CREB5: variants seen among roughly 807,000 people sequenced by gnomAD.
CREB5 encodes cAMP responsive element binding protein 5.
CREB5 carries 19 observed loss-of-function variants against 57.1 expected under a neutral mutation model. That is an observed-to-expected ratio of 0.33 (90% CI 0.23 to 0.49). The LOEUF is 0.49. CREB5 is among the 20% of genes least tolerant of loss of function. CREB5 has a pLI of 0.99. For synonymous variants in CREB5, 238 were observed against 238.3 expected (o/e 1.00, Z 0.01); for missense variants, 579 against 671.6 (o/e 0.86, Z 1.52).
chr7:28,411,894 C>G (rs2128003253), upstream of CREB5, among the ~76,000 whole-genome samples: 1 of 152,198 alleles, frequency 6.6e-6, no homozygotes, highest in East Asian at 1.9e-4. Flanking sequence ...GTGTAACCTC[C>G]ACACAATATA....
chr7:28,301,244 G>T (rs1182308477), intron 1 of CREB5, among the ~76,000 whole-genome samples: 1 of 152,164 alleles, frequency 6.6e-6, no homozygotes, highest in Non-Finnish European at 1.5e-5. Flanking sequence ...GTCTGGCAGG[G>T]ATTTTCATGC....
intron 4 of CREB5, among the ~76,000 whole-genome samples, chr7:28,532,445 G>T (rs1190177124): frequency 1.3e-5 from 2 of 152,174 alleles, no homozygotes; most frequent in East Asian, 3.8e-4. Flanking sequence ...TTGCAAAATT[G>T]TTATCCAGAG....
chr7:28,355,414 AT>A (rs35685766), intron 1 of CREB5, among the ~76,000 whole-genome samples: 20,739 of 152,152 alleles, frequency 0.14, 1,808 homozygotes, highest in South Asian at 0.19. Flanking sequence ...GAATCATGAA[AT>A]TTTTTTATTA....
At position 28,327,249 on chromosome 7, in the gene CREB5, ATC is replaced by A. The variant is rs796977481; in HGVS notation, c.-25+27812_-25+27813del. ...ACAACCAAGTGAGAAATGCTTATTT[ATC>A]TCTGGTATGTTATGCATTAGCCATA... On this transcript the variant is annotated intron_variant, in intron 1 of 9. Transcript: ENST00000396299. Among the ~76,000 whole-genome samples, 5 of 151,928 alleles carry A rather than the reference ATC, an allele frequency of 3.3e-5. No individual in the cohort carries two copies. The South Asian group carries it at 8.3e-4, about 25-fold the overall frequency.
intron 4 of CREB5, among the ~76,000 whole-genome samples, chr7:28,548,610 A>G (rs160336): frequency 0.91 from 138,628 of 152,230 alleles, 63,295 homozygotes; most frequent in African/African-American, 0.97. Flanking sequence ...TCCAAAATTC[A>G]GAGCATAGAA....
chr7:28,815,961 G>T (rs950371731), intron 9 of CREB5, among the ~76,000 whole-genome samples: 1 of 152,000 alleles, frequency 6.6e-6, no homozygotes, highest in African/African-American at 2.4e-5. Flanking sequence ...CTACTCAGGG[G>T]GCAAGGTGTC....
intron 7 of CREB5, among the ~76,000 whole-genome samples, chr7:28,737,513 G>C (rs899930389): frequency 2.1e-5 from 3 of 141,992 alleles, no homozygotes; most frequent in Admixed American, 7.2e-5. Context: ...CTCTGTGTGT[G>C]TGTGTGTATA....
At chr7:28,342,347 G>C (rs1297215411) in intron 1 of CREB5, among the ~76,000 whole-genome samples, 1 of 152,104 alleles carries the variant, frequency 6.6e-6, no homozygotes, top group Non-Finnish European at 1.5e-5. Context: ...TTTCCCATGA[G>C]CTGAGAGTGG....
chr7:28,387,422 G>T (rs1787131516), intron 1 of CREB5, among the ~76,000 whole-genome samples: 1 of 151,768 alleles, frequency 6.6e-6, no homozygotes, highest in South Asian at 2.1e-4. Flanking sequence ...TAATGGGGTT[G>T]TTTGTTTTTT....
chr7:28,687,849 A>G (rs1414592061), intron 5 of CREB5, among the ~76,000 whole-genome samples: 3 of 152,052 alleles, frequency 2.0e-5, no homozygotes, highest in Non-Finnish European at 2.9e-5. Context: ...CTGAGTGTTG[A>G]TTCTGATGCT....
At chr7:28,598,920 C>T (rs1012804196) in intron 5 of CREB5, among the ~76,000 whole-genome samples, 1 of 152,154 alleles carries the variant, frequency 6.6e-6, no homozygotes, top group African/African-American at 2.4e-5. Context: ...TTTTTCTTTG[C>T]TGTCTTAAGT....
intron 5 of CREB5, among the ~76,000 whole-genome samples, chr7:28,698,354 CAAAA>C (rs10611948): frequency 2.4e-5 from 3 of 122,728 alleles, no homozygotes; most frequent in East Asian, 2.5e-4. Context: ...CACTCCCCAC[CAAAA>C]AAAAAAAAAA....
At chr7:28,497,037 A>G (rs1473742774) in intron 3 of CREB5, among the ~76,000 whole-genome samples, 1 of 151,996 alleles carries the variant, frequency 6.6e-6, no homozygotes, top group African/African-American at 2.4e-5. Flanking sequence ...GCAATTCCCA[A>G]TATTTAAATT....
intron 7 of CREB5, among the ~76,000 whole-genome samples, chr7:28,759,788 G>T (rs532725954): frequency 6.6e-6 from 1 of 152,192 alleles, no homozygotes. Flanking sequence ...CTGGGCAGTG[G>T]GAACCATTTG....
At chr7:28,724,459 T>G (rs973357517) in intron 7 of CREB5, 127 bp downstream of exon 7, 9 of 708,934 alleles carry the variant, frequency 1.3e-5, no homozygotes, top group Admixed American at 4.8e-5. Context: ...TGAAAGGCAG[T>G]GCAGAGACTG....
intron 5 of CREB5, among the ~76,000 whole-genome samples, chr7:28,595,951 G>A (rs984532701): frequency 1.3e-5 from 2 of 152,160 alleles, no homozygotes; most frequent in Admixed American, 1.3e-4. Context: ...GATTTCTGGA[G>A]AAATATGATA....
intron 7 of CREB5, among the ~76,000 whole-genome samples, chr7:28,802,463 G>A (rs777150913): frequency 2.0e-4 from 31 of 152,234 alleles, no homozygotes; most frequent in Middle Eastern, 3.4e-3. Flanking sequence ...AGCTTTGATC[G>A]TCATTTAAAT....
At chr7:28,812,304 A>C (rs1809164071) in intron 9 of CREB5, among the ~76,000 whole-genome samples, 1 of 152,254 alleles carries the variant, frequency 6.6e-6, no homozygotes, top group African/African-American at 2.4e-5. Flanking sequence ...CAAACATGGA[A>C]GGATCATAGC....
At chr7:28,381,018 G>A (rs1786956272) in intron 1 of CREB5, among the ~76,000 whole-genome samples, 2 of 152,062 alleles carry the variant, frequency 1.3e-5, no homozygotes, top group South Asian at 4.1e-4. Context: ...GGGGGCAGGT[G>A]GTTTGTTCAC....
Sources: gnomAD v4.1 joint callset for allele counts (sites outside exome capture counted in the v4.1 genomes callset) on GRCh38, gnomAD v4.1.1 for gene constraint, MANE v1.5 for transcripts, NCBI Gene and HGNC (gene_info 2026-07-23, HGNC 2026-07-21) for gene names.